The following DOP1A variants were observed in gnomAD, a reference collection of about 807,000 sequenced individuals.
DOP1A encodes the protein protein DOP1A.
A neutral mutation model predicts 267.6 loss-of-function variants in DOP1A; 90 were observed. The observed-to-expected ratio is 0.34, with a 90% confidence interval of 0.28 to 0.40. The LOEUF is 0.40. DOP1A is among the 10% of genes least tolerant of loss of function. The pLI is 1.00. For missense variants in DOP1A, 2,437 were observed against 2,900.4 expected, an observed-to-expected ratio of 0.84 and a Z score of 3.67; for synonymous variants, 932 against 999.1, an observed-to-expected ratio of 0.93 and a Z score of 1.27.
intron 4 of DOP1A, among the ~76,000 whole-genome samples, chr6:83,107,105 T>G (rs1331411397): frequency 1.3e-5 from 2 of 152,048 alleles, no homozygotes; most frequent in East Asian, 3.8e-4. Context: ...TAGAGTTTGG[T>G]AGCTTTAAGC....
intron 7 of DOP1A, among the ~76,000 whole-genome samples, chr6:83,116,819 T>C (rs7764458): frequency 0.91 from 137,699 of 152,142 alleles, 62,329 homozygotes; most frequent in East Asian, 0.96. Flanking sequence ...TTAAAAAAAA[T>C]CCAAAAAATA....
chr6:83,138,399 A>G lies in DOP1A; in HGVS notation c.4357A>G (p.Ile1453Val). The G allele has an allele frequency of 6.2e-7, 1 of 1,611,144 alleles. No homozygotes were observed. The highest frequency in any genetic ancestry group is 8.5e-7 in the Non-Finnish European group (1 of 1,179,846). The change falls in exon 21 of 39, where the codon ATA (isoleucine) becomes GTA (valine). Residue 1453 changes from isoleucine (I) to valine (V), a missense_variant. Ile to Val is a conservative substitution (Grantham distance 29). Coordinates refer to ENST00000349129, the MANE Select transcript of DOP1A (RefSeq NM_015018.4). The stretch of plus-strand genomic sequence containing the variant: ...TCATAACTTCCGGAGTTCTATGTAC[A>G]TAGAAATTCTTATTTCTCTCTGCTT... The part of the protein sequence containing the change: ...SNHNFRSSMY[I>V]EILISLCLYY...
At chr6:83,148,626 T>G (rs1780996910) in intron 26 of DOP1A, 133 bp from the exon 27 acceptor site, 1 of 552,792 alleles carries the variant, frequency 1.8e-6, no homozygotes, top group Non-Finnish European at 3.1e-6. Context: ...GTTTACTAAT[T>G]AACGTTAGTA....
chr6:83,160,461 C>G (rs960789735), intron 37 of DOP1A, among the ~76,000 whole-genome samples: 25 of 152,142 alleles, frequency 1.6e-4, no homozygotes, highest in Non-Finnish European at 1.0e-4. Context: ...GGGATTAAAC[C>G]ATGTAAGACC....
At chr6:83,088,800 T>G (rs2128084232) in intron 1 of DOP1A, among the ~76,000 whole-genome samples, 1 of 152,330 alleles carries the variant, frequency 6.6e-6, no homozygotes, top group South Asian at 2.1e-4. Context: ...AATAAATGAT[T>G]CCTGAAGATT....
chr6:83,126,450 A>G (rs1457799956), intron 15 of DOP1A, among the ~76,000 whole-genome samples: 1 of 151,978 alleles, frequency 6.6e-6, no homozygotes, highest in Non-Finnish European at 1.5e-5. Context: ...TGCTATCACT[A>G]TGCTAGTTGC....
chr6:83,119,647 A>G, intron 8 of DOP1A, 101 bp from the exon 9 acceptor site: 1 of 807,702 alleles, frequency 1.2e-6, no homozygotes, highest in Non-Finnish European at 2.0e-6. Flanking sequence ...ACTAATTGGT[A>G]AGTGTTTAGT....
intron 1 of DOP1A, among the ~76,000 whole-genome samples, chr6:83,078,284 A>C (rs1313876413): frequency 3.3e-5 from 5 of 152,218 alleles, no homozygotes; most frequent in Non-Finnish European, 7.3e-5. Context: ...CAATTATAGC[A>C]GTAATAAGAG....
chr6:83,112,344 T>G (rs1209192969), intron 6 of DOP1A, among the ~76,000 whole-genome samples: 1 of 151,704 alleles, frequency 6.6e-6, no homozygotes, highest in African/African-American at 2.4e-5. Context: ...CCAGTTTTCA[T>G]GTCAGATGGG....
At chr6:83,077,233 G>A (rs1767258395) in intron 1 of DOP1A, among the ~76,000 whole-genome samples, 1 of 152,212 alleles carries the variant, frequency 6.6e-6, no homozygotes, top group Non-Finnish European at 1.5e-5. Context: ...CAGGCTCAGT[G>A]GCTCATTCCT....
chr6:83,168,958 A>G, downstream of DOP1A: 1 of 1,176,038 alleles, frequency 8.5e-7, no homozygotes, highest in Non-Finnish European at 1.1e-6. Flanking sequence ...TGTTCCCCAC[A>G]TAAAACTGTA....
intron 8 of DOP1A, among the ~76,000 whole-genome samples, chr6:83,119,480 G>T (rs1188283088): frequency 6.6e-6 from 1 of 152,044 alleles, no homozygotes; most frequent in Admixed American, 6.6e-5. Context: ...ATAACTTATT[G>T]TGGATGTTCT....
Position 83,137,398 on chromosome 6 carries a change from G to T in DOP1A, c.3356G>T (p.Gly1119Val), listed in dbSNP as rs1271429086. 2 of 1,613,772 alleles carry T rather than the reference G, an allele frequency of 1.2e-6. No homozygotes were observed. Among genetic ancestry groups the T allele is most frequent in the Admixed American group, 3.3e-5 (2 of 59,974 alleles). ...SDSGCSQSSAGDNLSYEVDPE... is the reference protein window; with the variant it reads ...SDSGCSQSSAVDNLSYEVDPE... ...TCGGGATGTTCACAGTCCTCTGCTG[G>T]GGACAACTTGAGTTACGAAGTTGAT... Residue 1119 changes from glycine to valine, a missense_variant, in exon 21 of 39, where the codon GGG becomes GTG. Gly to Val is a moderately radical substitution (Grantham distance 109, BLOSUM62 -3). Coordinates refer to ENST00000349129, the MANE Select transcript of DOP1A (RefSeq NM_015018.4).
chr6:83,139,272 A>G (rs1294761427), intron 21 of DOP1A, 110 bp downstream of exon 21: 28 of 845,330 alleles, frequency 3.3e-5, no homozygotes, highest in Non-Finnish European at 5.1e-5. Flanking sequence ...GGTTTTTGGT[A>G]GGTTACAAAT....
chr6:83,110,783 T>G (rs1057220816), intron 6 of DOP1A, among the ~76,000 whole-genome samples: 10 of 152,182 alleles, frequency 6.6e-5, no homozygotes, highest in African/African-American at 1.9e-4. Context: ...ATTAAACAAT[T>G]TGATTGATCA....
chr6:83,122,070 A>T lies in DOP1A; in HGVS notation c.1220+20A>T. The T allele has an allele frequency of 6.2e-7, 1 of 1,607,676 alleles. No homozygotes were observed. Among genetic ancestry groups the T allele is most frequent in the Non-Finnish European group, 8.5e-7 (1 of 1,176,510 alleles). On this transcript the variant is annotated intron_variant, in intron 11 of 38. Coordinates refer to ENST00000349129, the MANE Select transcript of DOP1A (RefSeq NM_015018.4). ...AAGCAGGTGGATTATCAAAAAATTA[A>T]ATGTGACATGAAGACATAATATGTA... is the stretch of plus-strand genomic sequence containing the variant.
intron 1 of DOP1A, among the ~76,000 whole-genome samples, chr6:83,085,627 G>C (rs1361442562): frequency 2.0e-5 from 3 of 152,160 alleles, no homozygotes; most frequent in Non-Finnish European, 2.9e-5. Context: ...ATTATTCTAA[G>C]CTTTGTATTG....
At chr6:83,167,189 G>GTA (rs1214299711) in intron 38 of DOP1A, 2 of 889,076 alleles carry the variant, frequency 2.2e-6, no homozygotes, top group African/African-American at 3.6e-5. Flanking sequence ...AGGAACCTTT[G>GTA]TATATCCTGC....
rs201750642 is a variant in DOP1A at position 83,125,779 on chromosome 6, C to T, written c.1719+46C>T. The T allele has an allele frequency of 2.1e-5, 30 of 1,460,164 alleles. No individual in the cohort carries two copies. The Admixed American group carries it at 3.8e-4, about 18-fold the overall frequency. The allele number at this position is 1,460,164 out of a possible 1,614,324, so 90.5% of individuals were successfully genotyped here. On this transcript the variant is annotated intron_variant, in intron 15 of 38. Coordinates refer to ENST00000349129, the MANE Select transcript of DOP1A (RefSeq NM_015018.4). ...TGGTATTAGACTGTTCATATTTCTT[C>T]AAAGCAGAACAGTTACTTAGTAAAA...
Sources: allele counts gnomAD v4.1 joint callset (sites outside exome capture counted in the v4.1 genomes callset), GRCh38; gene constraint gnomAD v4.1.1; transcripts MANE v1.5; gene names NCBI Gene and HGNC (gene_info 2026-07-23, HGNC 2026-07-21).